The following CDH4 variants were observed in gnomAD, a reference collection of about 807,000 sequenced individuals.
CDH4 encodes the protein cadherin 4, also known as cadherin-4.
In CDH4, 33 loss-of-function variants were observed where a neutral mutation model predicts 86.0. That is an observed-to-expected ratio of 0.38 (90% confidence interval 0.29 to 0.51). The LOEUF (loss-of-function observed/expected upper bound fraction) is 0.51, where lower values mean the gene tolerates loss of function less well. CDH4 is among the 20% of genes least tolerant of loss of function. The pLI, the probability that CDH4 is intolerant of heterozygous loss-of-function variation, is 0.86. For synonymous variants in CDH4, 555 were observed against 549.4 expected (o/e 1.01, Z -0.14); for missense variants, 1,114 against 1,307.4 (o/e 0.85, Z 2.28).
rs371646515 is a variant in CDH4, at chr20:61,381,791, G to A, written c.169+126854G>A. 3.4e-4 allele frequency among the ~76,000 whole-genome samples: 52 copies of A among 152,266 alleles called. No homozygotes were observed. In the East Asian group the frequency reaches 5.6e-3, roughly 16 times the overall value. The stretch of plus-strand genomic sequence containing the variant: ...CAGAAAACTATTTAAAAAGATAACT[G>A]TTGGCCAGGTGTAGTGGCTCACACC... On this transcript the variant is annotated intron_variant, in intron 2 of 15. Coordinates refer to ENST00000614565, the MANE Select transcript of CDH4 (RefSeq NM_001794.5).
intron 2 of CDH4, among the ~76,000 whole-genome samples, chr20:61,255,277 T>C (rs1240137542): frequency 6.6e-6 from 1 of 152,244 alleles, no homozygotes; most frequent in Non-Finnish European, 1.5e-5. Flanking sequence ...CTTTGAAATG[T>C]ATGATAAAGC....
At chr20:61,451,615 C>G (rs188952456) in intron 2 of CDH4, among the ~76,000 whole-genome samples, 46 of 152,106 alleles carry the variant, frequency 3.0e-4, no homozygotes, top group African/African-American at 1.1e-3. Flanking sequence ...CCCTGAGAGT[C>G]TATGTGGACA....
At chr20:61,723,881 G>GGAGGCTCCATGCGGCAGGGC (rs2088074565) in intron 2 of CDH4, among the ~76,000 whole-genome samples, 1 of 151,442 alleles carries the variant, frequency 6.6e-6, no homozygotes, top group Non-Finnish European at 1.5e-5. Context: ...TGCGGCAGGT[G>GGAGGCTCCATGCGGCAGGGC]GGGTGGGTCC....
At chr20:61,853,884 G>A (rs898660628) in intron 6 of CDH4, among the ~76,000 whole-genome samples, 5 of 152,158 alleles carry the variant, frequency 3.3e-5, no homozygotes, top group African/African-American at 1.2e-4. Flanking sequence ...TTGGGTCGGG[G>A]GAGGTGAGGT....
chr20:61,352,831 C>T (rs1002982797), intron 2 of CDH4, among the ~76,000 whole-genome samples: 2 of 152,084 alleles, frequency 1.3e-5, no homozygotes, highest in Non-Finnish European at 1.5e-5. Context: ...GTTCTTCATC[C>T]GGCAGTGCAG....
At chr20:61,856,521 C>T (rs901615651) in intron 6 of CDH4, among the ~76,000 whole-genome samples, 1 of 150,446 alleles carries the variant, frequency 6.6e-6, no homozygotes, top group African/African-American at 2.5e-5. Context: ...ATGCATCCCA[C>T]ACTCTTCCCC....
chr20:61,852,155 C>T, intron 5 of CDH4, among the ~76,000 whole-genome samples: 1 of 152,164 alleles, frequency 6.6e-6, no homozygotes, highest in South Asian at 2.1e-4. Flanking sequence ...ACCCATATTC[C>T]CCTGCTGTGC....
At chr20:61,363,432 T>TACACAC in intron 2 of CDH4, among the ~76,000 whole-genome samples, 1 of 151,448 alleles carries the variant, frequency 6.6e-6, no homozygotes, top group Admixed American at 6.6e-5. Flanking sequence ...CTCTCTCACA[T>TACACAC]ACACACACAC....
intron 4 of CDH4, among the ~76,000 whole-genome samples, chr20:61,838,141 CCTGT>C (rs1981964927): frequency 2.1e-5 from 1 of 47,572 alleles, no homozygotes; most frequent in African/African-American, 4.0e-5. Flanking sequence ...CGTCTACCTG[CCTGT>C]CTGCCTGTCT....
intron 6 of CDH4, among the ~76,000 whole-genome samples, chr20:61,868,928 C>T (rs1983673969): frequency 6.6e-6 from 1 of 152,260 alleles, no homozygotes; most frequent in Admixed American, 6.5e-5. Flanking sequence ...ACCTGCAGCT[C>T]ACAGGCTGTG....
chr20:61,693,807 A>G (rs1397032698), intron 2 of CDH4, among the ~76,000 whole-genome samples: 1 of 149,212 alleles, frequency 6.7e-6, no homozygotes, highest in Non-Finnish European at 1.5e-5. Context: ...ACTTGGTGCT[A>G]TTTATCAGAA....
At chr20:61,352,186 A>G (rs1280928568) in intron 2 of CDH4, among the ~76,000 whole-genome samples, 2 of 152,020 alleles carry the variant, frequency 1.3e-5, no homozygotes, top group African/African-American at 4.8e-5. Flanking sequence ...TTCTTCTCCT[A>G]TCTCCATGAG....
At chr20:61,435,235 C>T (rs184772702) in intron 2 of CDH4, among the ~76,000 whole-genome samples, 8 of 152,194 alleles carry the variant, frequency 5.3e-5, no homozygotes, top group Non-Finnish European at 8.8e-5. Flanking sequence ...ATCCTTACAG[C>T]GCTCAGGAGT....
intron 2 of CDH4, among the ~76,000 whole-genome samples, chr20:61,645,166 G>A (rs932779369): frequency 5.3e-5 from 8 of 152,160 alleles, no homozygotes; most frequent in Non-Finnish European, 2.9e-5. Flanking sequence ...TCCCTGTGTT[G>A]CCAACAGTTT....
intron 2 of CDH4, among the ~76,000 whole-genome samples, chr20:61,422,939 C>T (rs1373004567): frequency 6.6e-6 from 1 of 152,044 alleles, no homozygotes; most frequent in Non-Finnish European, 1.5e-5. Flanking sequence ...AAAACCCATG[C>T]GATAAGGGAT....
At chr20:61,717,826 GC>G in intron 2 of CDH4, 1 of 131,854 alleles carries the variant, frequency 7.6e-6, no homozygotes, top group Non-Finnish European at 1.6e-5. Flanking sequence ...CCTGCCCCCC[GC>G]CCCCAGCCCC....
chr20:61,620,046 G>A (rs116114959), intron 2 of CDH4, among the ~76,000 whole-genome samples: 1,630 of 152,144 alleles, frequency 0.011, 33 homozygotes, highest in African/African-American at 0.038. Context: ...AGGGATCACA[G>A]CTGCTTGCAA....
intron 2 of CDH4, among the ~76,000 whole-genome samples, chr20:61,610,296 G>A (rs966726173): frequency 3.9e-5 from 6 of 152,096 alleles, no homozygotes; most frequent in East Asian, 1.9e-4. Flanking sequence ...AATGACCTCC[G>A]GTTCCATCCA....
rs140093342 is a variant in CDH4, at chr20:61,811,094, C to T, written c.577-33574C>T. 4.7e-3 allele frequency among the ~76,000 whole-genome samples: 716 copies of T among 152,300 alleles called. 2 individuals carry two copies. The highest frequency in any genetic ancestry group is 7.8e-3 in the Non-Finnish European group (531 of 68,020). On this transcript the variant is annotated intron_variant, in intron 4 of 15. Coordinates refer to ENST00000614565, the MANE Select transcript of CDH4 (RefSeq NM_001794.5). The surrounding 1 kb of genome is among the most constrained non-coding windows in gnomAD (Gnocchi z 4.4). ...AGCCGCGCCACATCCTCAGCAGCCC[C>T]GCCACCGCCTGTCACACCTGCTGCT...
Sources: gnomAD v4.1 joint callset for allele counts (sites outside exome capture counted in the v4.1 genomes callset) on GRCh38, gnomAD v4.1.1 for gene constraint, Gnocchi (gnomAD v3.1) non-coding constraint, MANE v1.5 for transcripts, NCBI Gene and HGNC (gene_info 2026-07-23, HGNC 2026-07-21) for gene names.